The following SYNJ2 variants were observed in gnomAD, a reference collection of about 807,000 sequenced individuals.
The protein encoded by SYNJ2 is synaptojanin 2, also known as polyphosphatidylinositol phosphatase SYNJ2.
SYNJ2 carries 116 observed loss-of-function variants against 141.3 expected under a neutral mutation model. That is an observed-to-expected ratio of 0.82 (90% CI 0.71 to 0.96). SYNJ2 has a LOEUF of 0.96. Ranked by LOEUF, SYNJ2 falls within the 40% of genes least tolerant of loss-of-function variation. SYNJ2 has a pLI of 0.00. For missense variants in SYNJ2, 1,873 were observed against 1,934.8 expected (o/e 0.97, Z 0.60); for synonymous variants, 745 against 777.7 (o/e 0.96, Z 0.70).
At chr6:158,058,714 G>A (rs1320720663) in intron 6 of SYNJ2, among the ~76,000 whole-genome samples, 4 of 152,282 alleles carry the variant, frequency 2.6e-5, no homozygotes, top group Admixed American at 2.6e-4. Flanking sequence ...ATTGCTTGAA[G>A]CCAGGAGTTC....
rs1182428276 is a variant in SYNJ2, at chr6:158,027,303, C to T, written c.215-1453C>T. ...ATCATTCACAGAAGATCTCGCTGGG[C>T]GGATCCTTCAGACCTCAGCGGGGTG... On this transcript the variant is annotated intron_variant, in intron 2 of 26. Transcript: ENST00000355585. The surrounding 1 kb of genome is among the most constrained non-coding windows in gnomAD (Gnocchi z 4.6). 5 of 732,782 alleles carry T rather than the reference C, an allele frequency of 6.8e-6. No individual in the cohort carries two copies. The highest frequency in any genetic ancestry group is 6.7e-6 in the Non-Finnish European group (4 of 599,592). 45.4% of individuals were successfully genotyped at this position (732,782 alleles called of 1,614,324 possible).
chr6:158,091,209 CAGG>C (rs1006534143), intron 25 of SYNJ2, among the ~76,000 whole-genome samples: 4 of 151,618 alleles, frequency 2.6e-5, no homozygotes, highest in African/African-American at 9.7e-5. Context: ...CCCAGCTACT[CAGG>C]AGGCTGAGGC....
chr6:158,075,566 G>A (rs894022880), intron 16 of SYNJ2, among the ~76,000 whole-genome samples: 1 of 151,778 alleles, frequency 6.6e-6, no homozygotes, highest in East Asian at 2.0e-4. Context: ...GCTTGAACCT[G>A]GGAGGCGGAA....
At chr6:158,003,581 G>A (rs771067126) in intron 1 of SYNJ2, among the ~76,000 whole-genome samples, 1 of 152,228 alleles carries the variant, frequency 6.6e-6, no homozygotes, top group Non-Finnish European at 1.5e-5. Flanking sequence ...GTCTCGGGCT[G>A]TCTGCATTGT....
At chr6:158,050,717 A>G (rs1484845186) in intron 5 of SYNJ2, among the ~76,000 whole-genome samples, 1 of 151,852 alleles carries the variant, frequency 6.6e-6, no homozygotes, top group East Asian at 1.9e-4. Context: ...GGTTGAGGGG[A>G]CCCCATCAAA....
intron 5 of SYNJ2, among the ~76,000 whole-genome samples, chr6:158,053,028 A>G (rs1410945154): frequency 6.6e-6 from 1 of 152,192 alleles, no homozygotes; most frequent in East Asian, 1.9e-4. Context: ...CTGTCTTTCA[A>G]AACATTGATG....
chr6:158,066,247 T>C (rs1781556067), intron 11 of SYNJ2, among the ~76,000 whole-genome samples, 197 bp from the exon 12 acceptor site: 1 of 152,148 alleles, frequency 6.6e-6, no homozygotes, highest in African/African-American at 2.4e-5. Context: ...CACGCCTTTA[T>C]TGTAGAAATG....
chr6:158,080,311 C>T (rs1782589263), intron 18 of SYNJ2, among the ~76,000 whole-genome samples: 1 of 151,898 alleles, frequency 6.6e-6, no homozygotes, highest in Admixed American at 6.6e-5. Context: ...CCCATCTCTA[C>T]CAAAAATACA....
Position 158,069,674 on chromosome 6 carries a change from G to A in SYNJ2, c.1940+1G>A. The A allele has an allele frequency of 6.2e-7, 1 of 1,609,962 alleles. No homozygotes were observed. The highest frequency in any genetic ancestry group is 8.5e-7 in the Non-Finnish European group (1 of 1,177,368). On this transcript the variant is annotated splice_donor_variant, in intron 14 of 26. Coordinates refer to ENST00000355585, the MANE Select transcript of SYNJ2 (RefSeq NM_003898.4). LOFTEE classifies it high-confidence loss of function. ...GTCCATACCATGTCCCGTTCATCAGGTAAGAACATTCTGTTTACACACATC... is the reference window on the plus strand; with the variant it reads ...GTCCATACCATGTCCCGTTCATCAGATAAGAACATTCTGTTTACACACATC...
At chr6:158,054,119 A>G (rs1217742995) in intron 5 of SYNJ2, among the ~76,000 whole-genome samples, 1 of 148,668 alleles carries the variant, frequency 6.7e-6, no homozygotes, top group Non-Finnish European at 1.5e-5. Context: ...CTATCCATCC[A>G]CTCACCCACC....
At chr6:157,992,298 A>C (rs1488539173) in intron 1 of SYNJ2, among the ~76,000 whole-genome samples, 2 of 151,880 alleles carry the variant, frequency 1.3e-5, no homozygotes, top group Non-Finnish European at 2.9e-5. Flanking sequence ...AGCCTCTGGT[A>C]ACCATCCTTC....
rs140231837 is a variant in SYNJ2, at chr6:158,096,001, C to T, written c.4128C>T (p.Thr1376=). ...CTGGGCACCCACCTGCCGCGGGCAC[C>T]GTCTTCCCACAAGGGGACTTTCTCA... The part of the protein sequence containing the change: ...SPSGHPPAAG[T]VFPQGDFLST... Residue 1376 remains threonine (T), a synonymous_variant, in exon 27 of 27, where the codon ACC becomes ACT. Transcript: ENST00000355585. 17 of 1,614,090 alleles carry T rather than the reference C, an allele frequency of 1.1e-5. No homozygotes were observed. The highest frequency in any genetic ancestry group is 9.3e-5 in the African/African-American group (7 of 74,946).
chr6:157,997,985 C>G (rs1000560589), intron 1 of SYNJ2, among the ~76,000 whole-genome samples: 4 of 152,228 alleles, frequency 2.6e-5, no homozygotes, highest in African/African-American at 9.6e-5. Flanking sequence ...TACTCAGCAC[C>G]TGCTGTTGGT....
chr6:157,985,232 A>G (rs953539089), intron 1 of SYNJ2, among the ~76,000 whole-genome samples: 2 of 151,820 alleles, frequency 1.3e-5, no homozygotes, highest in Non-Finnish European at 2.9e-5. Flanking sequence ...GACTCCTTCC[A>G]TCTGAACCTG....
rs1229315719 is a variant in SYNJ2, at chr6:158,059,261, A to T, written c.862A>T (p.Met288Leu). 6.5e-7 allele frequency: 1 copy of T among 1,549,116 alleles called. No individual in the cohort carries two copies. ...CCCACCCCGCTGCCTTTGCAGGCAC[A>T]TGGTGCTTCTGAAGGAGCAGTACGG... ...EANAPAFDRH[M>L]VLLKEQYGQQ... The change falls in exon 7 of 27, where the codon ATG becomes TTG. Residue 288 changes from methionine to leucine, a missense_variant. Transcript: ENST00000355585.
At chr6:157,981,570 G>C (rs1777004464), upstream of SYNJ2, among the ~76,000 whole-genome samples, 1 of 152,100 alleles carries the variant, frequency 6.6e-6, no homozygotes, top group African/African-American at 2.4e-5. This position sits in a 1 kb window ranked among gnomAD's most constrained non-coding sequence, Gnocchi z 6.4. Flanking sequence ...AAGGCTGCGG[G>C]CGGCCGGCAT....
intron 2 of SYNJ2, among the ~76,000 whole-genome samples, chr6:158,023,399 G>C (rs958025636): frequency 6.6e-6 from 1 of 152,152 alleles, no homozygotes; most frequent in Admixed American, 6.5e-5. Flanking sequence ...ATCAGTGCTG[G>C]GTCAGGTAGG....
chr6:158,055,238 A>G (rs1780799680), intron 6 of SYNJ2, among the ~76,000 whole-genome samples: 1 of 152,206 alleles, frequency 6.6e-6, no homozygotes, highest in Non-Finnish European at 1.5e-5. Context: ...AAATTAATGA[A>G]TGTTCAGGTA....
chr6:158,067,464 ATCTTG>A, intron 12 of SYNJ2: 1 of 985,456 alleles, frequency 1.0e-6, no homozygotes, highest in Non-Finnish European at 1.2e-6. Flanking sequence ...CTCACCTTTT[ATCTTG>A]TAAGATACAC....
Sources: allele counts gnomAD v4.1 joint callset (sites outside exome capture counted in the v4.1 genomes callset), GRCh38; gene constraint gnomAD v4.1.1; non-coding constraint Gnocchi (gnomAD v3.1); transcripts MANE v1.5; gene names NCBI Gene and HGNC (gene_info 2026-07-23, HGNC 2026-07-21).